HSPG2: variants seen among roughly 807,000 people sequenced by gnomAD.
The protein encoded by HSPG2 is heparan sulfate proteoglycan 2, also known as basement membrane-specific heparan sulfate proteoglycan core protein.
HSPG2 carries 278 observed loss-of-function variants against 526.6 expected under a neutral mutation model. The ratio of observed to expected loss-of-function variants is 0.53; its 90% CI spans 0.48 to 0.58. The LOEUF is 0.58. Ranked by LOEUF, HSPG2 falls within the 20% of genes least tolerant of loss-of-function variation. The pLI, the probability that HSPG2 is intolerant of heterozygous loss-of-function variation, is 0.00. For missense variants in HSPG2, 5,354 were observed against 6,099.5 expected, an observed-to-expected ratio of 0.88 and a Z score of 4.07; for synonymous variants, 2,465 against 2,555.4, an observed-to-expected ratio of 0.96 and a Z score of 1.07.
rs184178910 is a variant in HSPG2, at chr1:21,934,905, T to G, written c.63+2250A>C. 4.1e-5 allele frequency among the ~76,000 whole-genome samples: 6 copies of G among 145,602 alleles called. No individual in the cohort carries two copies. The East Asian group carries it at 1.2e-3, about 30-fold the overall frequency. On this transcript the variant is annotated intron_variant, in intron 1 of 96. Coordinates refer to ENST00000374695, the MANE Select transcript of HSPG2 (RefSeq NM_005529.7). ...CCACCGCGCCTGGCCCCGAAAAACT[T>G]TTTATTGTTTGTTTGTTTTGAGGCG...
At position 21,824,944 on chromosome 1, in the gene HSPG2, T is replaced by A. The variant is rs993695524; in HGVS notation, c.12590-165A>T. ...CTGCCAACAGAATTCAGGGAGCCTA[T>A]GACCTTGGATGGGAAAGCATTACAC... On this transcript the variant is annotated intron_variant, in intron 91 of 96. Coordinates refer to ENST00000374695, the MANE Select transcript of HSPG2 (RefSeq NM_005529.7). This position sits in a 1 kb window ranked among gnomAD's most constrained non-coding sequence, Gnocchi z 5.9. 1.5e-6 allele frequency: 1 copy of A among 680,942 alleles called. No homozygotes were observed. Among genetic ancestry groups the A allele is most frequent in the Non-Finnish European group, 2.7e-6 (1 of 371,474 alleles). 42.2% of individuals were successfully genotyped at this position (680,942 alleles called of 1,614,324 possible).
chr1:21,841,605 T>C lies in HSPG2; in HGVS notation c.9262A>G (p.Thr3088Ala). ...IVGTRPSNHG[T>A]YRCVASNAYG... Reference sequence around the variant, plus strand: ...GCATTGGAGGCCACGCAGCGGTAGGTACCGTGGTTGCTGGGCCGGGTGCCC... The same window carrying C: ...GCATTGGAGGCCACGCAGCGGTAGGCACCGTGGTTGCTGGGCCGGGTGCCC... Residue 3088 changes from threonine to alanine, a missense_variant, in exon 70 of 97, where the codon ACC becomes GCC. Thr to Ala is a moderately conservative substitution (Grantham distance 58). Coordinates refer to ENST00000374695, the MANE Select transcript of HSPG2 (RefSeq NM_005529.7). 1 of 1,614,118 alleles carries C rather than the reference T, an allele frequency of 6.2e-7. No homozygotes were observed. The highest frequency in any genetic ancestry group is 8.5e-7 in the Non-Finnish European group (1 of 1,180,002).
At chr1:21,919,848 GTGAGCTATGCCTTTGTTTC>G (rs1044610306) in intron 1 of HSPG2, among the ~76,000 whole-genome samples, 29 of 152,306 alleles carry the variant, frequency 1.9e-4, no homozygotes, top group Middle Eastern at 3.4e-3. Flanking sequence ...CTCCGTAAAA[GTGAGCTATGCCTTTGTTTC>G]TTGTGATTTG....
At position 21,896,218 on chromosome 1, in the gene HSPG2, G is replaced by C. The variant is rs1285368718; in HGVS notation, c.156C>G (p.Tyr52Ter). ...TASQMRWTHSYLSDDEDMLAD... is the reference protein window; with the variant it reads ...TASQMRWTHS The stretch of plus-strand genomic sequence containing the variant: ...CCAGCATGTCCTCATCATCAGAAAG[G>C]TACGAATGTGTCCAGCGCATTTGGC... The change falls in exon 2 of 97, where the codon TAC becomes TAG. Residue 52 changes from tyrosine to a stop codon, truncating the protein, a stop_gained. Coordinates refer to ENST00000374695, the MANE Select transcript of HSPG2 (RefSeq NM_005529.7). LOFTEE classifies it high-confidence loss of function. 6.2e-7 allele frequency: 1 copy of C among 1,613,962 alleles called. No homozygotes were observed. Among genetic ancestry groups the C allele is most frequent in the Non-Finnish European group, 8.5e-7 (1 of 1,180,006 alleles).
At position 21,875,947 on chromosome 1, in the gene HSPG2, T is replaced by C. The variant is rs1641030103; in HGVS notation, c.3099A>G (p.Gln1033=). ...PLHGQPLVVL[Q]GNNIILEHHV... ...GGTGCTCTAGGATGATGTTGTTACC[T>C]TGCAGCACCACCAACGGCTGCCCGT... is the stretch of plus-strand genomic sequence containing the variant. The change falls in exon 24 of 97, where the codon CAA becomes CAG. Residue 1033 remains glutamine (Q), a synonymous_variant. Transcript: ENST00000374695. 1.2e-6 allele frequency: 2 copies of C among 1,614,050 alleles called. No homozygotes were observed. Among genetic ancestry groups the C allele is most frequent in the African/African-American group, 1.3e-5 (1 of 74,920 alleles).
chr1:21,919,041 C>A (rs923048468), intron 1 of HSPG2, among the ~76,000 whole-genome samples: 3 of 152,222 alleles, frequency 2.0e-5, no homozygotes, highest in Non-Finnish European at 2.9e-5. Flanking sequence ...CATCTTTCCC[C>A]AAAGGCAGGC....
intron 74 of HSPG2, among the ~76,000 whole-genome samples, chr1:21,838,261 G>T (rs2098035094): frequency 6.6e-6 from 1 of 152,128 alleles, no homozygotes; most frequent in Admixed American, 6.6e-5. Context: ...CCACAGTCCA[G>T]GCTCTTGACC....
chr1:21,885,180 G>A (rs1641793094), intron 10 of HSPG2, 23 bp from the exon 11 acceptor site: 3 of 1,601,882 alleles, frequency 1.9e-6, no homozygotes, highest in Admixed American at 3.4e-5. Context: ...GGGCAGGAGT[G>A]AGGGGTCGGG....
chr1:21,880,953 G>T, intron 14 of HSPG2, 118 bp from the exon 15 acceptor site: 1 of 1,085,096 alleles, frequency 9.2e-7, no homozygotes, highest in Non-Finnish European at 1.4e-6. Context: ...GACTTACTGT[G>T]TGCCAGGCAC....
chr1:21,860,800 A>G (rs1310271922), intron 39 of HSPG2, among the ~76,000 whole-genome samples: 1 of 152,220 alleles, frequency 6.6e-6, no homozygotes, highest in East Asian at 1.9e-4. Context: ...ATGTCCATTA[A>G]GCAATGACTG....
Position 21,876,666 on chromosome 1 carries a change from G to A in HSPG2, c.2686-14C>T, listed in dbSNP as rs1197215112. 1.2e-6 allele frequency: 2 copies of A among 1,614,064 alleles called. No homozygotes were observed. Among genetic ancestry groups the A allele is most frequent in the East Asian group, 2.2e-5 (1 of 44,894 alleles). On this transcript the variant is annotated splice_polypyrimidine_tract_variant and intron_variant, in intron 21 of 96. Coordinates refer to ENST00000374695, the MANE Select transcript of HSPG2 (RefSeq NM_005529.7). ...CACCACATTGTTCTGCAGGCACAGA[G>A]TTGGAGCTGAAGGACAGCCCATGGG...
In HSPG2 at chr1:21,895,457, C is replaced by T. The variant is rs1033602730; in HGVS notation, c.244+465G>A. Among the ~76,000 whole-genome samples the T allele has an allele frequency of 2.6e-5, 4 of 152,154 alleles. No homozygotes were observed. Among genetic ancestry groups the T allele is most frequent in the African/African-American group, 7.2e-5 (3 of 41,426 alleles). ...AGGCAAGGTTCTCTCCCAAGCCTAG[C>T]GTCAGGCTCGATCTGTGCTCTGCAT... On this transcript the variant is annotated intron_variant, in intron 3 of 96. Coordinates refer to ENST00000374695, the MANE Select transcript of HSPG2 (RefSeq NM_005529.7). This position sits in a 1 kb window ranked among gnomAD's most constrained non-coding sequence, Gnocchi z 4.1.
At position 21,887,466 on chromosome 1, in the gene HSPG2, G is replaced by C. The variant is rs144227288; in HGVS notation, c.912C>G (p.Cys304Trp). ...NGHCIPRDYL[C>W]DGQEDCEDGS... Reference sequence around the variant, plus strand: ...CGTCCTCGCAGTCCTCCTGTCCGTCGCAGAGGTAGTCTCTGGGGATGCAGT... The same window carrying C: ...CGTCCTCGCAGTCCTCCTGTCCGTCCCAGAGGTAGTCTCTGGGGATGCAGT... The change falls in exon 8 of 97, where the codon TGC (cysteine) becomes TGG (tryptophan). Residue 304 changes from cysteine (C) to tryptophan (W), a missense_variant. Physicochemically the swap from Cys to Trp is radical, Grantham distance 215. Coordinates refer to ENST00000374695, the MANE Select transcript of HSPG2 (RefSeq NM_005529.7). The surrounding 1 kb of genome is among the most constrained non-coding windows in gnomAD (Gnocchi z 5.0). 1.2e-6 allele frequency: 2 copies of C among 1,614,032 alleles called. No homozygotes were observed. Among genetic ancestry groups the C allele is most frequent in the Admixed American group, 3.3e-5 (2 of 60,032 alleles).
intron 63 of HSPG2, 64 bp from the exon 64 acceptor site, chr1:21,846,319 G>A (rs1236942279): frequency 6.2e-7 from 1 of 1,610,672 alleles, no homozygotes; most frequent in Admixed American, 1.7e-5. Flanking sequence ...GAAGGCCTGG[G>A]GCCAGGGTCT....
chr1:21,877,986 G>T (rs749873365), intron 21 of HSPG2, among the ~76,000 whole-genome samples, 200 bp downstream of exon 21: 9 of 152,246 alleles, frequency 5.9e-5, no homozygotes, highest in Non-Finnish European at 1.0e-4. Flanking sequence ...GTGGTCACCT[G>T]ACTCCCTAAC....
rs993559323 is a variant in HSPG2 at position 21,868,943 on chromosome 1, G to C, written c.4222-3134C>G. On this transcript the variant is annotated intron_variant, in intron 33 of 96. Coordinates refer to ENST00000374695, the MANE Select transcript of HSPG2 (RefSeq NM_005529.7). Reference sequence around the variant, plus strand: ...GTAATAGAGGCTTCCAGGAAGCAGAGAGAAGCCTTCGTAGGAGAGAGAGAA... The same window carrying C: ...GTAATAGAGGCTTCCAGGAAGCAGACAGAAGCCTTCGTAGGAGAGAGAGAA... 19 of 982,032 alleles carry C rather than the reference G, an allele frequency of 1.9e-5. No homozygotes were observed. The African/African-American group carries it at 3.4e-4, about 17-fold the overall frequency. 60.8% of individuals were successfully genotyped at this position (982,032 alleles called of 1,614,324 possible). A position where few individuals can be genotyped will look rare whatever the true frequency, so the allele number is the denominator to read the frequency against.
intron 1 of HSPG2, among the ~76,000 whole-genome samples, chr1:21,906,790 T>C (rs959666400): frequency 1.3e-5 from 2 of 152,064 alleles, no homozygotes; most frequent in African/African-American, 2.4e-5. Context: ...TGGAACCTTT[T>C]ATGTATGCAA....
In HSPG2 at chr1:21,853,930, G is replaced by A. The variant is rs1442630992; in HGVS notation, c.6439+263C>T. On this transcript the variant is annotated intron_variant, in intron 50 of 96. Coordinates refer to ENST00000374695, the MANE Select transcript of HSPG2 (RefSeq NM_005529.7). ...ATCTGGGATTTGAACCAGGTCAGCC[G>A]ACTCCCAGCTTAGTATTCAACCTGG... The A allele has an allele frequency of 5.5e-5, 28 of 510,980 alleles. 1 individual carries two copies. In the Middle Eastern group the frequency reaches 1.4e-3, roughly 26 times the overall value. The allele number at this position is 510,980 out of a possible 1,614,324, so 31.7% of individuals were successfully genotyped here.
intron 3 of HSPG2, among the ~76,000 whole-genome samples, chr1:21,892,799 A>G (rs113877852): frequency 0.01 from 1,444 of 142,666 alleles, 12 homozygotes; most frequent in Non-Finnish European, 0.015. Flanking sequence ...CAGAGGTTGC[A>G]GTGAGCCGAG....
Sources: gnomAD v4.1 joint callset for allele counts (sites outside exome capture counted in the v4.1 genomes callset) on GRCh38, gnomAD v4.1.1 for gene constraint, Gnocchi (gnomAD v3.1) non-coding constraint, MANE v1.5 for transcripts, NCBI Gene and HGNC (gene_info 2026-07-23, HGNC 2026-07-21) for gene names.